The following DSCAML1 variants were observed in gnomAD, a reference collection of about 807,000 sequenced individuals.
The protein encoded by DSCAML1 is cell adhesion molecule DSCAML1.
In DSCAML1, 38 loss-of-function variants were observed where a neutral mutation model predicts 200.5. The observed-to-expected ratio is 0.19, with a 90% CI of 0.15 to 0.25. The LOEUF is 0.25. DSCAML1 is among the 10% of genes least tolerant of loss of function. The pLI, the probability that DSCAML1 is intolerant of heterozygous loss-of-function variation, is 1.00. For synonymous variants in DSCAML1, 1,215 were observed against 1,165.0 expected, an observed-to-expected ratio of 1.04 and a Z score of -0.87; for missense variants, 2,223 against 2,858.8, an observed-to-expected ratio of 0.78 and a Z score of 5.07.
Position 117,437,491 on chromosome 11 carries a change from C to T in DSCAML1, c.4433-82G>A. 6.7e-7 allele frequency: 1 copy of T among 1,500,912 alleles called. No homozygotes were observed. Among genetic ancestry groups the T allele is most frequent in the South Asian group, 1.3e-5 (1 of 77,390 alleles). The allele number at this position is 1,500,912 out of a possible 1,614,324, so 93.0% of individuals were successfully genotyped here. On this transcript the variant is annotated intron_variant, in intron 25 of 32. Transcript: ENST00000651296. This position sits in a 1 kb window ranked among gnomAD's most constrained non-coding sequence, Gnocchi z 5.3. ...GACTGGGCTGGGCTGGAAAGGATTT[C>T]CCTGGGGCAGCTGGGATGGCAGTGG... is the stretch of plus-strand genomic sequence containing the variant.
rs1335537685 is a variant in DSCAML1, at chr11:117,428,532, T to C, written c.5958A>G (p.Pro1986=). 6 of 1,007,092 alleles carry C rather than the reference T, an allele frequency of 6.0e-6. No individual in the cohort carries two copies. The highest frequency in any genetic ancestry group is 8.5e-6 in the Non-Finnish European group (6 of 707,990). 62.4% of individuals were successfully genotyped at this position (1,007,092 alleles called of 1,614,324 possible). ...GCTCAGCAGGGGTGGGGCCGGGGGC[T>C]GGGGGGGCTGTGCCGGCTGGGGGGG... ...MPAPPAGTAP[P]APGPTPAEPP... is the part of the protein sequence containing the mutation. The change falls in exon 33 of 33, where the codon CCA becomes CCG. Residue 1986 remains proline, a synonymous_variant. Transcript: ENST00000651296.
chr11:117,552,459 G>A (rs944664950), intron 3 of DSCAML1, among the ~76,000 whole-genome samples: 2 of 151,964 alleles, frequency 1.3e-5, no homozygotes, highest in African/African-American at 4.8e-5. Flanking sequence ...AGATGAGCAG[G>A]AAGGGGACCA....
intron 20 of DSCAML1, 23 bp from the exon 21 acceptor site, chr11:117,444,062 C>T: frequency 6.3e-7 from 1 of 1,594,348 alleles, no homozygotes; most frequent in South Asian, 1.1e-5. Context: ...GGCAAAGAGG[C>T]TCTAAGAAGC....
Position 117,430,659 on chromosome 11 carries a change from G to A in DSCAML1, c.5686+63C>T, listed in dbSNP as rs1000550893. The A allele has an allele frequency of 8.0e-5, 122 of 1,530,062 alleles. No homozygotes were observed. The Middle Eastern group carries it at 1.2e-3, about 15-fold the overall frequency. 94.8% of individuals were successfully genotyped at this position (1,530,062 alleles called of 1,614,324 possible). A position where few individuals can be genotyped will look rare whatever the true frequency, so the allele number is the denominator to read the frequency against. ...TGCTGGCAGAACTAGATCTAGCCAG[G>A]GCTCATGGGGCTGGGGCCAGGGGGC... On this transcript the variant is annotated intron_variant, in intron 32 of 32. Coordinates refer to ENST00000651296, the MANE Select transcript of DSCAML1 (RefSeq NM_020693.4).
chr11:117,550,046 CTTAG>C lies in DSCAML1; in HGVS notation c.512-17528_512-17525del, dbSNP rs373333246. On this transcript the variant is annotated intron_variant, in intron 3 of 32. Coordinates refer to ENST00000651296, the MANE Select transcript of DSCAML1 (RefSeq NM_020693.4). The stretch of plus-strand genomic sequence containing the variant: ...TCTTCTCCCTTGTCTCCTGACAGCC[CTTAG>C]TTAGTCATTTCTTGCTACCCCTAGC... 1.3e-3 allele frequency among the ~76,000 whole-genome samples: 203 copies of C among 152,278 alleles called. 3 individuals carry two copies. Among genetic ancestry groups the C allele is most frequent in the African/African-American group, 4.3e-3 (178 of 41,546 alleles).
At chr11:117,671,497 C>T (rs1015241682) in intron 3 of DSCAML1, among the ~76,000 whole-genome samples, 1 of 152,220 alleles carries the variant, frequency 6.6e-6, no homozygotes, top group Non-Finnish European at 1.5e-5. Context: ...GACCCCAATG[C>T]CTCTTAACAG....
At position 117,730,302 on chromosome 11, in the gene DSCAML1, G is replaced by A. The variant is rs183609321; in HGVS notation, c.511+46489C>T. Among the ~76,000 whole-genome samples, 27 of 152,232 alleles carry A rather than the reference G, an allele frequency of 1.8e-4. 1 individual carries two copies. The East Asian group carries it at 5.2e-3, about 29-fold the overall frequency. The stretch of plus-strand genomic sequence containing the variant: ...CAATTGCTAGCTTTAAAGCTGGAGG[G>A]GGCCAGGAGTCAAGGACAGTGGGTA... On this transcript the variant is annotated intron_variant, in intron 3 of 32. Transcript: ENST00000651296.
At chr11:117,592,102 G>A (rs1183677046) in intron 3 of DSCAML1, among the ~76,000 whole-genome samples, 1 of 152,160 alleles carries the variant, frequency 6.6e-6, no homozygotes, top group Non-Finnish European at 1.5e-5. Context: ...GTGGAAAGCT[G>A]TGCTCATCAG....
chr11:117,438,904 A>G lies in DSCAML1; in HGVS notation c.4224T>C (p.Asn1408=), dbSNP rs2047978990. The change falls in exon 24 of 33, where the codon AAT becomes AAC. Residue 1408 remains asparagine, a synonymous_variant. Coordinates refer to ENST00000651296, the MANE Select transcript of DSCAML1 (RefSeq NM_020693.4). ...CCTCACCTCGGATGGAGCTGCCCCC[A>G]TTGTCACCTGGAATCCAGGTCAGGG... ...SITLTWIPGD[N]GGSSIRGFVL... is the part of the protein sequence containing the mutation. 3 of 1,603,308 alleles carry G rather than the reference A, an allele frequency of 1.9e-6. No individual in the cohort carries two copies. Among genetic ancestry groups the G allele is most frequent in the Non-Finnish European group, 1.7e-6 (2 of 1,176,042 alleles).
At chr11:117,523,620 G>A (rs2049918811) in intron 5 of DSCAML1, among the ~76,000 whole-genome samples, 1 of 152,226 alleles carries the variant, frequency 6.6e-6, no homozygotes, top group South Asian at 2.1e-4. Flanking sequence ...TCTCTTGACT[G>A]TGAGGAAGGA....
chr11:117,594,186 G>T (rs149328617), intron 3 of DSCAML1, among the ~76,000 whole-genome samples: 5 of 152,270 alleles, frequency 3.3e-5, no homozygotes, highest in Non-Finnish European at 7.3e-5. Flanking sequence ...CAGATATTGG[G>T]TCCTGGATCA....
chr11:117,781,881 C>T (rs2055270558), intron 1 of DSCAML1, among the ~76,000 whole-genome samples: 2 of 152,236 alleles, frequency 1.3e-5, no homozygotes, highest in South Asian at 4.1e-4. Context: ...TCCTCTTATC[C>T]CAGCATCAGG....
At chr11:117,621,542 T>G (rs1324663653) in intron 3 of DSCAML1, among the ~76,000 whole-genome samples, 2 of 152,188 alleles carry the variant, frequency 1.3e-5, no homozygotes, top group Non-Finnish European at 2.9e-5. Flanking sequence ...ATTCTGAGTC[T>G]CAGGAAAAGG....
chr11:117,487,277 A>G (rs925041139), intron 11 of DSCAML1, among the ~76,000 whole-genome samples: 1 of 152,134 alleles, frequency 6.6e-6, no homozygotes, highest in African/African-American at 2.4e-5. Context: ...TATGGAGTTA[A>G]ATAGAATATA....
chr11:117,481,829 G>C (rs1364106542), intron 12 of DSCAML1, 134 bp downstream of exon 12: 1 of 900,092 alleles, frequency 1.1e-6, no homozygotes, highest in Non-Finnish European at 1.7e-6. Context: ...AGGTGGGAAA[G>C]GGGAGGTACA....
chr11:117,645,781 G>A (rs1299466557), intron 3 of DSCAML1, among the ~76,000 whole-genome samples: 4 of 150,376 alleles, frequency 2.7e-5, no homozygotes, highest in Non-Finnish European at 5.9e-5. Flanking sequence ...GGATAGCATT[G>A]GGAGATATAC....
intron 3 of DSCAML1, among the ~76,000 whole-genome samples, chr11:117,696,216 A>G (rs968908870): frequency 5.9e-5 from 9 of 152,220 alleles, no homozygotes; most frequent in Admixed American, 5.2e-4. Context: ...TCGAGTTTTC[A>G]AACAGGAGGC....
intron 3 of DSCAML1, among the ~76,000 whole-genome samples, chr11:117,756,384 A>C (rs2054693498): frequency 6.6e-6 from 1 of 152,216 alleles, no homozygotes; most frequent in Non-Finnish European, 1.5e-5. Flanking sequence ...ACATTTGGTC[A>C]GCACCAGAGC....
At chr11:117,811,254 A>C (rs1028093709) in intron 1 of DSCAML1, among the ~76,000 whole-genome samples, 1 of 152,120 alleles carries the variant, frequency 6.6e-6, no homozygotes, top group Non-Finnish European at 1.5e-5. Context: ...CAACCCTGAG[A>C]AGCTTTACAG....
Sources: gnomAD v4.1 joint callset for allele counts (sites outside exome capture counted in the v4.1 genomes callset) on GRCh38, gnomAD v4.1.1 for gene constraint, Gnocchi (gnomAD v3.1) non-coding constraint, MANE v1.5 for transcripts, NCBI Gene and HGNC (gene_info 2026-07-23, HGNC 2026-07-21) for gene names.